The following SLC9A9 variants were observed in gnomAD, a reference collection of about 807,000 sequenced individuals.
SLC9A9 encodes sodium/hydrogen exchanger 9.
In SLC9A9, 62 loss-of-function variants were observed where a neutral mutation model predicts 77.8. That is an observed-to-expected ratio of 0.80 (90% CI 0.65 to 0.98). The LOEUF (loss-of-function observed/expected upper bound fraction) is 0.98, where lower values mean the gene tolerates loss of function less well. Among genes scored for constraint, SLC9A9 ranks in the 50% least tolerant of loss-of-function variants. The probability of loss-of-function intolerance (pLI) is 0.00; values close to 1 mark genes in which losing one functional copy is unlikely to be tolerated. For missense variants in SLC9A9, 775 were observed against 774.9 expected, an observed-to-expected ratio of 1.00 and a Z score of 0.00; for synonymous variants, 320 against 283.5, an observed-to-expected ratio of 1.13 and a Z score of -1.29.
intron 14 of SLC9A9, among the ~76,000 whole-genome samples, chr3:143,354,190 C>T (rs2032531699): frequency 6.6e-6 from 1 of 152,234 alleles, no homozygotes; most frequent in Non-Finnish European, 1.5e-5. Flanking sequence ...TCTTGGAAAG[C>T]TCTTCCTCCC....
chr3:143,398,986 T>G (rs1437680499), intron 12 of SLC9A9, among the ~76,000 whole-genome samples: 1 of 133,928 alleles, frequency 7.5e-6, no homozygotes, highest in East Asian at 2.1e-4. Context: ...ATTCACAGAT[T>G]TGTTGTATAC....
chr3:143,550,746 G>T (rs1284172434), intron 9 of SLC9A9, among the ~76,000 whole-genome samples: 1 of 152,178 alleles, frequency 6.6e-6, no homozygotes, highest in Non-Finnish European at 1.5e-5. Flanking sequence ...ATTATTGTTG[G>T]ATGACACTAG....
chr3:143,814,972 C>A (rs1030585375), intron 2 of SLC9A9, among the ~76,000 whole-genome samples: 2 of 143,154 alleles, frequency 1.4e-5, no homozygotes, highest in African/African-American at 5.0e-5. Flanking sequence ...GTGGCTTTTT[C>A]AGGAATCTGA....
At chr3:143,702,572 C>T (rs2108789938) in intron 4 of SLC9A9, among the ~76,000 whole-genome samples, 2 of 151,428 alleles carry the variant, frequency 1.3e-5, no homozygotes, top group African/African-American at 4.8e-5. Flanking sequence ...ACAATAAACA[C>T]ATAAAAAATA....
At chr3:143,738,377 C>G (rs917959954) in intron 4 of SLC9A9, among the ~76,000 whole-genome samples, 1 of 152,198 alleles carries the variant, frequency 6.6e-6, no homozygotes, top group African/African-American at 2.4e-5. Flanking sequence ...AGTGGCCACA[C>G]CTTGACTTCC....
chr3:143,594,525 G>C (rs915405722), intron 6 of SLC9A9, among the ~76,000 whole-genome samples: 2 of 152,296 alleles, frequency 1.3e-5, no homozygotes, highest in South Asian at 4.2e-4. Context: ...TGGTAGGACT[G>C]ACATTAGAAT....
At chr3:143,688,940 A>G (rs919392501) in intron 5 of SLC9A9, among the ~76,000 whole-genome samples, 9 of 151,180 alleles carry the variant, frequency 6.0e-5, no homozygotes, top group Non-Finnish European at 1.2e-4. Flanking sequence ...ATAAATAGAA[A>G]AAATATATAT....
At chr3:143,450,751 G>C (rs1229196025) in intron 12 of SLC9A9, among the ~76,000 whole-genome samples, 1 of 152,140 alleles carries the variant, frequency 6.6e-6, no homozygotes, top group African/African-American at 2.4e-5. Flanking sequence ...TCTTTTGATG[G>C]CTAGGTCAGA....
intron 2 of SLC9A9, among the ~76,000 whole-genome samples, chr3:143,828,776 G>A (rs1317034891): frequency 6.6e-6 from 1 of 152,186 alleles, no homozygotes; most frequent in Non-Finnish European, 1.5e-5. Context: ...AGTTCTTGTT[G>A]TGTTGAGTGA....
chr3:143,348,275 G>A (rs1457019144), intron 14 of SLC9A9, among the ~76,000 whole-genome samples: 7 of 152,300 alleles, frequency 4.6e-5, no homozygotes, highest in Admixed American at 2.6e-4. Context: ...GATTACAGGC[G>A]TGAGCCACTG....
At chr3:143,283,368 A>G (rs1938281415) in intron 14 of SLC9A9, among the ~76,000 whole-genome samples, 1 of 152,106 alleles carries the variant, frequency 6.6e-6, no homozygotes. Context: ...GCCTGTCTGG[A>G]TTTCCCTAGG....
rs372240014 is a variant in SLC9A9 at position 143,727,114 on chromosome 3, G to A, written c.534-33807C>T. ...AAAAGCCTAAGTAGCACGACAAAAAGAGAACAAACTTATAATTAACACCAT... is the reference window on the plus strand; with the variant it reads ...AAAAGCCTAAGTAGCACGACAAAAAAAGAACAAACTTATAATTAACACCAT... On this transcript the variant is annotated intron_variant, in intron 4 of 15. Transcript: ENST00000316549. Among the ~76,000 whole-genome samples the A allele has an allele frequency of 2.6e-4, 40 of 152,196 alleles. 2 individuals are homozygous for A. In the South Asian group the frequency reaches 8.1e-3, roughly 31 times the overall value.
intron 9 of SLC9A9, among the ~76,000 whole-genome samples, chr3:143,512,148 G>A (rs976914897): frequency 1.6e-4 from 24 of 152,204 alleles, no homozygotes; most frequent in African/African-American, 5.8e-4. Flanking sequence ...ATAAATATCT[G>A]CTGAATGAAT....
chr3:143,763,304 C>A (rs1446167524), intron 4 of SLC9A9, among the ~76,000 whole-genome samples: 1 of 152,272 alleles, frequency 6.6e-6, no homozygotes, highest in African/African-American at 2.4e-5. Flanking sequence ...ATTTAGTTCA[C>A]AGCCTTAGAA....
chr3:143,442,803 G>A (rs1434129505), intron 12 of SLC9A9, among the ~76,000 whole-genome samples: 5 of 152,194 alleles, frequency 3.3e-5, no homozygotes, highest in Non-Finnish European at 5.9e-5. Flanking sequence ...GGTGAGTTCA[G>A]TTAGTAGAGA....
At chr3:143,813,438 G>A (rs1349062217) in intron 2 of SLC9A9, among the ~76,000 whole-genome samples, 4 of 152,186 alleles carry the variant, frequency 2.6e-5, no homozygotes, top group African/African-American at 9.7e-5. Context: ...TGACTAGTCT[G>A]ATTGGTGAAT....
intron 14 of SLC9A9, among the ~76,000 whole-genome samples, chr3:143,345,790 G>A (rs2108468647): frequency 6.6e-6 from 1 of 152,196 alleles, no homozygotes; most frequent in African/African-American, 2.4e-5. Flanking sequence ...TTCCAGATGG[G>A]TATAACAAAA....
intron 9 of SLC9A9, among the ~76,000 whole-genome samples, chr3:143,527,438 G>A (rs2036425458): frequency 6.6e-6 from 1 of 152,180 alleles, no homozygotes; most frequent in African/African-American, 2.4e-5. Context: ...CAAGGTTGAA[G>A]GAACTTCATT....
chr3:143,622,040 T>A (rs1299072357), intron 6 of SLC9A9, among the ~76,000 whole-genome samples: 3 of 151,786 alleles, frequency 2.0e-5, no homozygotes, highest in Admixed American at 2.0e-4. Flanking sequence ...ATGAATGAAA[T>A]GAAGTGAGAA....
Sources: allele counts gnomAD v4.1 joint callset (sites outside exome capture counted in the v4.1 genomes callset), GRCh38; gene constraint gnomAD v4.1.1; transcripts MANE v1.5; gene names NCBI Gene and HGNC (gene_info 2026-07-23, HGNC 2026-07-21).